PDLIM5: variants seen among roughly 807,000 people sequenced by gnomAD.
PDLIM5 encodes PDZ and LIM domain 5, also known as PDZ and LIM domain protein 5.
A neutral mutation model predicts 64.2 loss-of-function variants in PDLIM5; 34 were observed. That is an observed-to-expected ratio of 0.53 (90% confidence interval 0.40 to 0.71). The LOEUF is 0.71. PDLIM5 is among the 30% of genes least tolerant of loss of function. The pLI, the probability that PDLIM5 is intolerant of heterozygous loss-of-function variation, is 0.00. For missense variants in PDLIM5, 683 were observed against 733.6 expected (o/e 0.93, Z 0.80); for synonymous variants, 253 against 269.1 (o/e 0.94, Z 0.59).
chr4:94,457,474 G>GT (rs1382860632), intron 2 of PDLIM5, among the ~76,000 whole-genome samples: 2 of 151,936 alleles, frequency 1.3e-5, no homozygotes, highest in Admixed American at 6.6e-5. Flanking sequence ...AGTATTATTG[G>GT]TTTTTACGTT....
intron 2 of PDLIM5, among the ~76,000 whole-genome samples, chr4:94,514,671 T>G (rs945333621): frequency 3.9e-5 from 6 of 152,322 alleles, no homozygotes; most frequent in African/African-American, 1.4e-4. Flanking sequence ...GGTCCAAGGC[T>G]TTTCTTTACT....
chr4:94,651,151 C>T (rs1385960611), intron 9 of PDLIM5, among the ~76,000 whole-genome samples: 3 of 152,144 alleles, frequency 2.0e-5, no homozygotes, highest in Admixed American at 6.5e-5. Flanking sequence ...AAACACTTTG[C>T]TATATGTGAA....
At chr4:94,609,444 T>C (rs182807624) in intron 7 of PDLIM5, among the ~76,000 whole-genome samples, 47 of 152,330 alleles carry the variant, frequency 3.1e-4, no homozygotes, top group African/African-American at 8.4e-4. Flanking sequence ...TAAATACTTA[T>C]TAGTTCTGAA....
At chr4:94,531,178 T>A (rs752481605) in intron 3 of PDLIM5, among the ~76,000 whole-genome samples, 39 of 152,206 alleles carry the variant, frequency 2.6e-4, no homozygotes, top group Non-Finnish European at 4.3e-4. Flanking sequence ...TTTTACTACT[T>A]CTTCTTTGCT....
At chr4:94,512,411 C>A (rs1728970775) in intron 2 of PDLIM5, among the ~76,000 whole-genome samples, 1 of 152,124 alleles carries the variant, frequency 6.6e-6, no homozygotes, top group Admixed American at 6.6e-5. Context: ...CAAGGGTTCC[C>A]TTTTCTCCAA....
At chr4:94,534,400 C>T (rs2110164929) in intron 3 of PDLIM5, among the ~76,000 whole-genome samples, 1 of 152,208 alleles carries the variant, frequency 6.6e-6, no homozygotes, top group Admixed American at 6.5e-5. Flanking sequence ...TCATAATGTT[C>T]ATTAAATTTA....
chr4:94,456,959 T>C, intron 2 of PDLIM5: 1 of 991,318 alleles, frequency 1.0e-6, no homozygotes, highest in African/African-American at 1.7e-5. Flanking sequence ...TTCCAACAGT[T>C]ATGCTGTGCT....
chr4:94,592,731 A>G (rs933834118), intron 7 of PDLIM5, among the ~76,000 whole-genome samples: 5 of 151,972 alleles, frequency 3.3e-5, no homozygotes, highest in African/African-American at 1.2e-4. Context: ...GGCTCAAGTG[A>G]TCCTCCCGCC....
chr4:94,579,506 C>CTTTTGTG (rs749204345), intron 5 of PDLIM5: 2 of 1,323,668 alleles, frequency 1.5e-6, no homozygotes, highest in South Asian at 2.9e-5. Flanking sequence ...TTTTAAAATA[C>CTTTTGTG]TTTTCTCTTT....
intron 3 of PDLIM5, among the ~76,000 whole-genome samples, chr4:94,529,422 T>A (rs564061607): frequency 6.6e-6 from 1 of 152,304 alleles, no homozygotes; most frequent in East Asian, 1.9e-4. Flanking sequence ...TTTTGTTAAT[T>A]TTTTTGCATT....
intron 10 of PDLIM5, among the ~76,000 whole-genome samples, chr4:94,656,086 A>T (rs941641056): frequency 4.6e-5 from 7 of 152,218 alleles, no homozygotes; most frequent in African/African-American, 1.7e-4. Flanking sequence ...TAGTTCACTC[A>T]AGCACAATTA....
chr4:94,606,369 T>G (rs961099293), intron 7 of PDLIM5, among the ~76,000 whole-genome samples: 23 of 152,156 alleles, frequency 1.5e-4, no homozygotes, highest in African/African-American at 5.6e-4. Context: ...CAGGGAGGCT[T>G]CTGGGAGGAG....
At chr4:94,622,529 A>G (rs1053940205) in intron 8 of PDLIM5, among the ~76,000 whole-genome samples, 1 of 152,194 alleles carries the variant, frequency 6.6e-6, no homozygotes, top group East Asian at 1.9e-4. Context: ...TCATTGAGCC[A>G]GTTTTCTGAC....
Position 94,643,202 on chromosome 4 carries a change from T to A in PDLIM5, c.1283+2752T>A, listed in dbSNP as rs73834229. Among the ~76,000 whole-genome samples the A allele has an allele frequency of 3.6e-3, 554 of 152,264 alleles. 3 individuals carry two copies. Among genetic ancestry groups the A allele is most frequent in the African/African-American group, 0.013 (532 of 41,558 alleles). On this transcript the variant is annotated intron_variant, in intron 9 of 12. Transcript: ENST00000317968. ...CTTATTTGGATCTAAAGTTTAAAAA[T>A]TTTTTGGTTTATTTGAATTGTGAAA...
At chr4:94,647,225 T>G (rs1419878125) in intron 9 of PDLIM5, among the ~76,000 whole-genome samples, 1 of 152,120 alleles carries the variant, frequency 6.6e-6, no homozygotes, top group African/African-American at 2.4e-5. Flanking sequence ...TAGATAAAAT[T>G]ATGATCTAAC....
intron 8 of PDLIM5, among the ~76,000 whole-genome samples, chr4:94,629,739 A>G (rs1362232042): frequency 1.3e-5 from 2 of 152,242 alleles, no homozygotes; most frequent in African/African-American, 4.8e-5. Context: ...CCAGTGCTTT[A>G]TAGCAAACAT....
chr4:94,639,336 C>T (rs1740819393), intron 8 of PDLIM5, among the ~76,000 whole-genome samples: 1 of 152,120 alleles, frequency 6.6e-6, no homozygotes, highest in South Asian at 2.1e-4. Flanking sequence ...TAGGGAGATC[C>T]TTAAATGCTG....
At chr4:94,556,745 T>A in intron 3 of PDLIM5, among the ~76,000 whole-genome samples, 1 of 152,212 alleles carries the variant, frequency 6.6e-6, no homozygotes, top group East Asian at 1.9e-4. Context: ...CACTTTTTGA[T>A]GGGGTTGTTT....
At chr4:94,571,665 A>G (rs969305512) in intron 3 of PDLIM5, among the ~76,000 whole-genome samples, 1 of 152,204 alleles carries the variant, frequency 6.6e-6, no homozygotes, top group African/African-American at 2.4e-5. Context: ...TTATACCTCA[A>G]TTTTTTAAAC....
Sources: allele counts gnomAD v4.1 joint callset (sites outside exome capture counted in the v4.1 genomes callset), GRCh38; gene constraint gnomAD v4.1.1; transcripts MANE v1.5; gene names NCBI Gene and HGNC (gene_info 2026-07-23, HGNC 2026-07-21).